The following LRRC37B variants were observed in gnomAD, a reference collection of about 807,000 sequenced individuals.
LRRC37B encodes leucine-rich repeat-containing protein 37B.
In LRRC37B, 28 loss-of-function variants were observed where a neutral mutation model predicts 98.3. The observed-to-expected ratio is 0.28, with a 90% CI of 0.21 to 0.39. The LOEUF (loss-of-function observed/expected upper bound fraction) is 0.39, where lower values mean the gene tolerates loss of function less well. LRRC37B is among the 10% of genes least tolerant of loss of function. The pLI is 1.00. For synonymous variants in LRRC37B, 364 were observed against 442.7 expected, an observed-to-expected ratio of 0.82 and a Z score of 2.23; for missense variants, 938 against 1,182.7, an observed-to-expected ratio of 0.79 and a Z score of 3.03.
intron 2 of LRRC37B, among the ~76,000 whole-genome samples, chr17:32,025,098 A>T (rs890357570): frequency 9.4e-6 from 1 of 105,972 alleles, no homozygotes; most frequent in Non-Finnish European, 1.7e-5. Flanking sequence ...GTGCAGTGGC[A>T]TAATCACATC....
chr17:32,016,365 G>A (rs748850051), upstream of LRRC37B, among the ~76,000 whole-genome samples: 3 of 152,176 alleles, frequency 2.0e-5, no homozygotes, highest in East Asian at 1.9e-4. Context: ...TTGGTTCTCC[G>A]TTTTTCTTCA....
At chr17:32,048,580 G>A (rs1567620391) in intron 9 of LRRC37B, among the ~76,000 whole-genome samples, 2 of 151,836 alleles carry the variant, frequency 1.3e-5, no homozygotes, top group African/African-American at 2.4e-5. Flanking sequence ...AAATGGCAAT[G>A]GCTAGAGTGA....
chr17:32,049,225 A>G (rs747742256), exon 10 of LRRC37B: 1 of 1,614,072 alleles, frequency 6.2e-7, no homozygotes, highest in South Asian at 1.1e-5. Flanking sequence ...ACACATGTGC[A>G]AGGGAGCTGT....
At chr17:32,052,053 C>T (rs1165807412) in intron 11 of LRRC37B, 1 of 151,878 alleles carries the variant, frequency 6.6e-6, no homozygotes, top group East Asian at 1.9e-4. Context: ...AGCCACCGTA[C>T]TGAATTCTCA....
intron 1 of LRRC37B, 137 bp from the exon 5 acceptor site, chr17:32,024,574 C>G: frequency 6.8e-7 from 1 of 1,465,910 alleles, no homozygotes; most frequent in Non-Finnish European, 9.5e-7. Context: ...AACTGGGAAG[C>G]TGATAGCTCT....
chr17:32,025,518 A>T (rs1052331343), intron 2 of LRRC37B, among the ~76,000 whole-genome samples: 1 of 151,732 alleles, frequency 6.6e-6, no homozygotes, highest in Non-Finnish European at 1.5e-5. Context: ...TGTGGTTTTT[A>T]AAATCTTTTT....
upstream of LRRC37B, chr17:32,020,841 AC>A (rs1431514382): frequency 1.8e-5 from 8 of 453,930 alleles, no homozygotes; most frequent in African/African-American, 1.5e-4. Flanking sequence ...CCGTGCCCCC[AC>A]CCCACCCCAC....
chr17:32,052,997 G>A (rs532078556), intron 11 of LRRC37B: 4 of 369,762 alleles, frequency 1.1e-5, no homozygotes, highest in East Asian at 6.1e-5. Context: ...GTTATATGCA[G>A]ACACTGCACC....
At chr17:32,047,978 A>G (rs1598214900) in intron 9 of LRRC37B, 77 bp downstream of exon 12, 3 of 1,611,576 alleles carry the variant, frequency 1.9e-6, no homozygotes, top group Non-Finnish European at 1.7e-6. Context: ...TCTCACTGGG[A>G]AATCTAGGTG....
Position 32,010,945 on chromosome 17 carries a change from G to T in LRRC37B, c.-191+2813G>T, listed in dbSNP as rs187408790. On this transcript the variant is annotated intron_variant, in intron 1 of 14. Coordinates refer to the LRRC37B transcript ENST00000543378. ...AATGTCCTCCAGTTCTATCCATGTT[G>T]CTGCAAATAGGTTTTATTTTCCAAA... Among the ~76,000 whole-genome samples, 269 of 151,864 alleles carry T rather than the reference G, an allele frequency of 1.8e-3. 1 individual carries two copies. The highest frequency in any genetic ancestry group is 6.3e-3 in the African/African-American group (259 of 41,396).
intron 7 of LRRC37B, among the ~76,000 whole-genome samples, chr17:32,038,328 G>A (rs1334209995): frequency 1.3e-5 from 2 of 152,076 alleles, no homozygotes; most frequent in East Asian, 3.9e-4. Flanking sequence ...GTGCAGTGGT[G>A]CTCACCTGTG....
chr17:32,027,527 TTG>T (rs140364279), intron 2 of LRRC37B, among the ~76,000 whole-genome samples: 19 of 143,206 alleles, frequency 1.3e-4, no homozygotes, highest in African/African-American at 2.8e-4. Flanking sequence ...GTGTGTGTGC[TTG>T]TGTGTGTGTG....
At chr17:32,007,740 C>T, upstream of LRRC37B, 1 of 1,194,158 alleles carries the variant, frequency 8.4e-7, no homozygotes, top group Non-Finnish European at 1.0e-6. This position sits in a 1 kb window ranked among gnomAD's most constrained non-coding sequence, Gnocchi z 4.1. Flanking sequence ...GCGGTAGTAG[C>T]CGGGGCAGGT....
chr17:32,017,888 T>C (rs1222194758), upstream of LRRC37B: 1 of 157,770 alleles, frequency 6.3e-6, no homozygotes, highest in East Asian at 1.8e-4. Context: ...CAAAAGAATG[T>C]CTCATTGTGG....
In LRRC37B at chr17:32,024,813, A is replaced by C. The variant is rs754255887; in HGVS notation, c.1832+31A>C. ...TATATTCTCTCCAAATATGACAAAA[A>C]ACTAACTGCATTGTAAGATCCTTCT... On this transcript the variant is annotated intron_variant, in intron 2 of 11. Transcript: ENST00000327564. The C allele has an allele frequency of 4.4e-6, 7 of 1,595,168 alleles. No individual in the cohort carries two copies. In the East Asian group the frequency reaches 1.6e-4, roughly 36 times the overall value.
chr17:32,027,839 T>A, exon 3 of LRRC37B: 1 of 1,603,596 alleles, frequency 6.2e-7, no homozygotes, highest in South Asian at 1.1e-5. Context: ...CCTCCAGTAT[T>A]TGTAAGTTAG....
rs142826230 is a variant in LRRC37B at position 32,022,674 on chromosome 17, G to C, written c.1609G>C (p.Glu537Gln). 4.6e-3 allele frequency: 7,468 copies of C among 1,614,014 alleles called. 26 individuals are homozygous for C. The highest frequency in any genetic ancestry group is 5.7e-3 in the Non-Finnish European group (6,783 of 1,179,872). The change falls in exon 1 of 12, where the codon GAG becomes CAG. Residue 537 changes from glutamate to glutamine, a missense_variant. Around this residue, in one of 2 missense-constraint regions of LRRC37B, gnomAD observed 328 missense variants for 557.0 expected, o/e 0.59. Transcript: ENST00000327564. Reference sequence around the variant, plus strand: ...ATTGGTGCAGTCTGAAACTGCACCAGAGGAACAGAAGGCCTCCACAAGCAC... The same window carrying C: ...ATTGGTGCAGTCTGAAACTGCACCACAGGAACAGAAGGCCTCCACAAGCAC...
upstream of LRRC37B, chr17:32,020,774 G>C (rs932472557): frequency 1.8e-6 from 1 of 541,680 alleles, no homozygotes; most frequent in Non-Finnish European, 2.9e-6. Flanking sequence ...GCCAGAACTG[G>C]ACTAGCACTT....
chr17:32,039,508 ATATATATATATATATGTATG>A (rs1276098663), intron 7 of LRRC37B, among the ~76,000 whole-genome samples: 2 of 43,934 alleles, frequency 4.6e-5, no homozygotes, highest in African/African-American at 2.4e-4. Flanking sequence ...ATATATATAT[ATATATATATATATATGTATG>A]TATTTTTATA....
Sources: gnomAD v4.1 joint callset for allele counts (sites outside exome capture counted in the v4.1 genomes callset) on GRCh38, gnomAD v4.1.1 for gene constraint, gnomAD v4.1.1 regional missense constraint, Gnocchi (gnomAD v3.1) non-coding constraint, MANE v1.5 for transcripts, NCBI Gene and HGNC (gene_info 2026-07-23, HGNC 2026-07-21) for gene names.